The following CCDC178 variants were observed in gnomAD, a reference collection of about 807,000 sequenced individuals.
CCDC178 encodes the protein coiled-coil domain containing 178.
Under a neutral mutation model 117.4 loss-of-function variants are expected in CCDC178, and 126 were observed. The observed-to-expected ratio is 1.07, with a 90% CI of 0.93 to 1.24. The LOEUF (loss-of-function observed/expected upper bound fraction) is 1.24. Ranked by LOEUF, CCDC178 falls within the 50% of genes most tolerant of loss-of-function variation. CCDC178 has a pLI of 0.00. For missense variants in CCDC178, 1,030 were observed against 986.9 expected (o/e 1.04, Z -0.59); for synonymous variants, 283 against 313.4 (o/e 0.90, Z 1.02).
chr18:33,124,153 A>C (rs1276413016), intron 20 of CCDC178, among the ~76,000 whole-genome samples: 1 of 152,214 alleles, frequency 6.6e-6, no homozygotes, highest in Admixed American at 6.5e-5. Context: ...CCCATAGGAA[A>C]CTGATGGTGT....
At chr18:33,422,148 T>C (rs2064034904) in intron 2 of CCDC178, among the ~76,000 whole-genome samples, 1 of 152,220 alleles carries the variant, frequency 6.6e-6, no homozygotes, top group Non-Finnish European at 1.5e-5. Context: ...CATTTTTAAA[T>C]TATTATCTTA....
intron 12 of CCDC178, among the ~76,000 whole-genome samples, chr18:33,267,536 TA>T (rs2059833758): frequency 1.3e-5 from 2 of 151,652 alleles, no homozygotes; most frequent in East Asian, 1.9e-4. Flanking sequence ...TTTCGTATCT[TA>T]AAAAAACTAG....
chr18:33,302,219 G>A (rs1268025830), intron 11 of CCDC178, among the ~76,000 whole-genome samples: 2 of 152,104 alleles, frequency 1.3e-5, no homozygotes, highest in Non-Finnish European at 2.9e-5. Flanking sequence ...GCTTCCTGAG[G>A]CCCTTTCCAG....
At chr18:33,049,210 G>T (rs1371530862) in intron 21 of CCDC178, among the ~76,000 whole-genome samples, 1 of 151,928 alleles carries the variant, frequency 6.6e-6, no homozygotes. Flanking sequence ...ACATTTAGTG[G>T]TTTTTTAATT....
At position 33,385,273 on chromosome 18, in the gene CCDC178, T is replaced by A. The variant is rs969126900; in HGVS notation, c.208+4267A>T. 4.6e-5 allele frequency among the ~76,000 whole-genome samples: 7 copies of A among 152,296 alleles called. No homozygotes were observed. The Middle Eastern group carries it at 0.01, about 222-fold the overall frequency. ...CCTCCACACAATAATAGAGGGAGAC[T>A]TTAATAACTCACTGTCAGTATTAGA... On this transcript the variant is annotated intron_variant, in intron 5 of 22. Coordinates refer to ENST00000383096, the MANE Select transcript of CCDC178 (RefSeq NM_001105528.4).
intron 22 of CCDC178, chr18:32,954,106 T>C (rs1413208314): frequency 6.6e-6 from 1 of 152,196 alleles, no homozygotes; most frequent in Non-Finnish European, 1.5e-5. Flanking sequence ...ATAAAAAAAG[T>C]TCTTCAAGTG....
At chr18:33,293,674 A>G (rs1413690213) in intron 11 of CCDC178, among the ~76,000 whole-genome samples, 3 of 152,132 alleles carry the variant, frequency 2.0e-5, no homozygotes, top group Admixed American at 6.6e-5. Context: ...CAAAAAAATT[A>G]TATAAATGAG....
intron 20 of CCDC178, among the ~76,000 whole-genome samples, chr18:33,100,411 A>AC (rs2145098585): frequency 6.6e-6 from 1 of 152,114 alleles, no homozygotes; most frequent in East Asian, 1.9e-4. Context: ...ATGAAAAAAC[A>AC]CACAATTTCA....
intron 20 of CCDC178, among the ~76,000 whole-genome samples, chr18:33,104,669 G>A (rs189665135): frequency 5.9e-5 from 9 of 151,706 alleles, no homozygotes; most frequent in African/African-American, 2.2e-4. Flanking sequence ...CCACTTTTAC[G>A]TTTTTCCCAC....
intron 11 of CCDC178, among the ~76,000 whole-genome samples, chr18:33,305,151 T>C (rs1235569289): frequency 6.6e-6 from 1 of 152,184 alleles, no homozygotes; most frequent in African/African-American, 2.4e-5. Context: ...AACTAGATAG[T>C]CCACTTCCTT....
chr18:33,187,114 A>AGAGC (rs60923129), intron 20 of CCDC178, among the ~76,000 whole-genome samples: 9 of 150,308 alleles, frequency 6.0e-5, no homozygotes, highest in African/African-American at 2.0e-4. Context: ...AGAGAGAGAG[A>AGAGC]GACTGAGAGA....
In CCDC178 at chr18:33,092,845, A is replaced by T. The variant is rs747935409; in HGVS notation, c.2304T>A (p.Ile768=). The part of the protein sequence containing the change: ...RLAQEYQQLQ[I]TFLKEKDNYF... Reference sequence around the variant, plus strand: ...AATTGTCCTTTTCTTTTAAGAATGTAATCTGTAGCTGTTGATACTCTTGAG... The same window carrying T: ...AATTGTCCTTTTCTTTTAAGAATGTTATCTGTAGCTGTTGATACTCTTGAG... The change falls in exon 21 of 23, where the codon ATT becomes ATA. Residue 768 remains isoleucine (I), a synonymous_variant. Transcript: ENST00000383096. The T allele has an allele frequency of 1.3e-6, 2 of 1,585,010 alleles. No homozygotes were observed. The highest frequency in any genetic ancestry group is 1.8e-5 in the Admixed American group (1 of 56,270).
intron 15 of CCDC178, among the ~76,000 whole-genome samples, chr18:33,235,689 G>A (rs1010811851): frequency 1.6e-4 from 24 of 151,968 alleles, no homozygotes; most frequent in African/African-American, 5.3e-4. Flanking sequence ...AAAACCCTTC[G>A]AGATTATGCA....
At chr18:33,017,635 A>C (rs560076881) in intron 21 of CCDC178, among the ~76,000 whole-genome samples, 2 of 152,110 alleles carry the variant, frequency 1.3e-5, no homozygotes, top group African/African-American at 4.8e-5. Flanking sequence ...AAGAACCAAA[A>C]CGATCTAACA....
chr18:33,170,002 C>A lies in CCDC178; in HGVS notation c.2238+41894G>T, dbSNP rs147298630. 2.3e-3 allele frequency among the ~76,000 whole-genome samples: 347 copies of A among 152,006 alleles called. 1 individual carries two copies. Among genetic ancestry groups the A allele is most frequent in the African/African-American group, 7.9e-3 (326 of 41,472 alleles). On this transcript the variant is annotated intron_variant, in intron 20 of 22. Transcript: ENST00000383096. ...CTCTCTTCCTCAAAACCAATACCAG[C>A]CATGAAATTCATTAAGTTCAAAGAT...
chr18:33,240,188 A>T (rs1350606717), intron 15 of CCDC178, among the ~76,000 whole-genome samples: 1 of 151,826 alleles, frequency 6.6e-6, no homozygotes, highest in Non-Finnish European at 1.5e-5. Context: ...TCACTGAAAC[A>T]AATAAAAATA....
intron 4 of CCDC178, among the ~76,000 whole-genome samples, chr18:33,392,941 A>T (rs1212056539): frequency 6.6e-6 from 1 of 152,242 alleles, no homozygotes; most frequent in African/African-American, 2.4e-5. Context: ...GTTAAAATTA[A>T]TTTGAAAGTT....
At chr18:33,172,865 A>G (rs1029896735) in intron 20 of CCDC178, among the ~76,000 whole-genome samples, 1 of 152,174 alleles carries the variant, frequency 6.6e-6, no homozygotes, top group Non-Finnish European at 1.5e-5. Context: ...GTACACATTT[A>G]GGTCTTTCTA....
chr18:33,187,543 C>T (rs2058811821), intron 20 of CCDC178, among the ~76,000 whole-genome samples: 1 of 151,960 alleles, frequency 6.6e-6, no homozygotes, highest in Admixed American at 6.6e-5. Context: ...ACTCAGGGAT[C>T]AGATACAAAA....
Sources: gnomAD v4.1 joint callset for allele counts (sites outside exome capture counted in the v4.1 genomes callset) on GRCh38, gnomAD v4.1.1 for gene constraint, MANE v1.5 for transcripts, NCBI Gene and HGNC (gene_info 2026-07-23, HGNC 2026-07-21) for gene names.